Variants in AFF1 observed in about 807,000 individuals in gnomAD.
AFF1 encodes the protein AF4/FMR2 family member 1.
In AFF1, 48 loss-of-function variants were observed where a neutral mutation model predicts 121.7. That is an observed-to-expected ratio of 0.39 (90% CI 0.31 to 0.50). The LOEUF (loss-of-function observed/expected upper bound fraction) is 0.50, where lower values mean the gene tolerates loss of function less well. Ranked by LOEUF, AFF1 falls within the 20% of genes least tolerant of loss-of-function variation. The pLI is 0.76. For missense variants in AFF1, 1,523 were observed against 1,511.7 expected (o/e 1.01, Z -0.12); for synonymous variants, 613 against 563.0 (o/e 1.09, Z -1.26).
intron 4 of AFF1, among the ~76,000 whole-genome samples, chr4:87,063,963 T>G (rs17604937): frequency 0.13 from 19,922 of 152,280 alleles, 1,755 homozygotes; most frequent in Middle Eastern, 0.2. Context: ...TGTGATGAAG[T>G]AATGAAACTC....
At chr4:87,013,499 G>C (rs1016239915) in intron 2 of AFF1, among the ~76,000 whole-genome samples, 1 of 152,012 alleles carries the variant, frequency 6.6e-6, no homozygotes, top group African/African-American at 2.4e-5. Flanking sequence ...TCTTTATTTC[G>C]GTATGTTTTC....
intron 2 of AFF1, among the ~76,000 whole-genome samples, chr4:87,000,820 TTGAG>T (rs949046033): frequency 6.5e-4 from 99 of 152,076 alleles, no homozygotes; most frequent in African/African-American, 2.3e-3. Context: ...GAAAAAAACA[TTGAG>T]TGAAGAGGTA....
At chr4:86,943,530 G>A (rs745550596) in intron 1 of AFF1, among the ~76,000 whole-genome samples, 3 of 152,194 alleles carry the variant, frequency 2.0e-5, no homozygotes, top group African/African-American at 7.2e-5. Flanking sequence ...CTAGATTGTG[G>A]TCCGGGGACT....
intron 8 of AFF1, among the ~76,000 whole-genome samples, chr4:87,100,425 C>G (rs1016126866): frequency 2.0e-5 from 3 of 152,206 alleles, no homozygotes; most frequent in Admixed American, 2.0e-4. Context: ...GATGACTCTC[C>G]CCACAAGACT....
Position 87,073,280 on chromosome 4 carries a change from C to CAAAA in AFF1, c.1060-10809_1060-10806dup, listed in dbSNP as rs55821662. ...ATTGCTCATTACCCAGCATTAAAGC[C>CAAAA]AAAAAAAAAAAAAAAAAAAAAAAAA... On this transcript the variant is annotated intron_variant, in intron 4 of 20. Coordinates refer to ENST00000395146, the MANE Select transcript of AFF1 (RefSeq NM_001166693.3). Among the ~76,000 whole-genome samples, 91 of 83,678 alleles carry CAAAA rather than the reference C, an allele frequency of 1.1e-3. 2 individuals are homozygous for CAAAA. Among genetic ancestry groups the CAAAA allele is most frequent in the South Asian group, 2.7e-3 (5 of 1,852 alleles). 54.9% of individuals were successfully genotyped at this position (83,678 alleles called of 152,430 possible). A position where few individuals can be genotyped will look rare whatever the true frequency, so the allele number is the denominator to read the frequency against.
chr4:87,089,904 C>A, intron 5 of AFF1, 80 bp from the exon 6 acceptor site: 1 of 1,024,958 alleles, frequency 9.8e-7, no homozygotes, highest in Non-Finnish European at 1.5e-6. Flanking sequence ...ATCCATTCTA[C>A]ATTAAGTTCA....
At chr4:86,988,138 A>G (rs979720979) in intron 2 of AFF1, among the ~76,000 whole-genome samples, 1 of 152,138 alleles carries the variant, frequency 6.6e-6, no homozygotes, top group African/African-American at 2.4e-5. Flanking sequence ...CAGGGCAATT[A>G]GGATGTTCAT....
intron 15 of AFF1, 132 bp downstream of exon 15, chr4:87,127,249 C>CTCCCGGG: frequency 1.3e-6 from 1 of 756,750 alleles, no homozygotes; most frequent in Non-Finnish European, 2.2e-6. Flanking sequence ...CAACCTCCAC[C>CTCCCGGG]TCCCGGGTTC....
At chr4:87,119,607 C>G (rs1727477735) in intron 12 of AFF1, among the ~76,000 whole-genome samples, 1 of 152,130 alleles carries the variant, frequency 6.6e-6, no homozygotes, top group South Asian at 2.1e-4. Flanking sequence ...GTGCATAGAG[C>G]TACATGTGTG....
chr4:87,089,040 G>T (rs1016066099), intron 5 of AFF1, among the ~76,000 whole-genome samples: 3 of 152,174 alleles, frequency 2.0e-5, no homozygotes, highest in Non-Finnish European at 4.4e-5. Context: ...GCTGCGCCCG[G>T]CCGCATGTCG....
intron 16 of AFF1, among the ~76,000 whole-genome samples, chr4:87,130,069 T>A (rs540729775): frequency 6.6e-6 from 1 of 151,612 alleles, no homozygotes; most frequent in South Asian, 2.1e-4. Context: ...CTGCCTCCCA[T>A]ATTCAAGCGA....
chr4:87,074,774 A>G (rs1050288493), intron 4 of AFF1, among the ~76,000 whole-genome samples: 3 of 152,206 alleles, frequency 2.0e-5, no homozygotes, highest in African/African-American at 7.2e-5. Context: ...ATTGTATGTG[A>G]TCTCAGGATA....
At chr4:86,962,820 T>C (rs1292046439) in intron 2 of AFF1, among the ~76,000 whole-genome samples, 1 of 152,230 alleles carries the variant, frequency 6.6e-6, no homozygotes, top group African/African-American at 2.4e-5. Context: ...AATTCTCATT[T>C]CATATTTACT....
rs764321758 is a variant in AFF1 at position 87,114,724 on chromosome 4, G to A, written c.1891G>A (p.Glu631Lys). The A allele has an allele frequency of 3.1e-6, 5 of 1,613,902 alleles. No individual in the cohort carries two copies. In the Admixed American group the frequency reaches 8.3e-5, roughly 27 times the overall value. ...RAGSRTSLQG[E>K]REPGLLPYGS... is the part of the protein sequence containing the mutation. The stretch of plus-strand genomic sequence containing the variant: ...AGGTTCACGGACCAGCCTGCAGGGG[G>A]AAAGGGAGCCAGGGCTTCTTCCCTA... Residue 631 changes from glutamate to lysine, a missense_variant, in exon 12 of 21, where the codon GAA (glutamate) becomes AAA (lysine). By Grantham distance (56) the Glu-to-Lys change is moderately conservative. Around this residue, in one of 5 missense-constraint regions of AFF1, gnomAD observed 905 missense variants for 842.5 expected, o/e 1.07. Transcript: ENST00000395146.
intron 4 of AFF1, among the ~76,000 whole-genome samples, chr4:87,060,984 C>T (rs774008497): frequency 3.3e-5 from 5 of 151,996 alleles, no homozygotes; most frequent in East Asian, 1.9e-4. Context: ...AAACCGGTAC[C>T]GAGGTCTTTT....
chr4:87,135,565 TTG>T lies in AFF1; in HGVS notation c.3536-13_3536-12del, dbSNP rs757069917. ...TGTATTTACTTGTTTTTGTTTTGTT[TTG>T]TTTTTTTTGCAGAATTCTTTGCTCG... On this transcript the variant is annotated splice_polypyrimidine_tract_variant and intron_variant, in intron 20 of 20. Transcript: ENST00000395146. 5.9e-5 allele frequency: 88 copies of T among 1,481,702 alleles called. No individual in the cohort carries two copies. The highest frequency in any genetic ancestry group is 3.5e-4 in the Middle Eastern group (2 of 5,670). 91.8% of individuals were successfully genotyped at this position (1,481,702 alleles called of 1,614,324 possible).
intron 2 of AFF1, among the ~76,000 whole-genome samples, chr4:87,013,175 G>A (rs928459788): frequency 2.0e-5 from 3 of 151,654 alleles, no homozygotes; most frequent in Admixed American, 2.0e-4. Context: ...GGAGTAGCTG[G>A]GAATACAGGC....
At chr4:87,047,934 A>T (rs1228987243) in intron 4 of AFF1, 1 of 285,784 alleles carries the variant, frequency 3.5e-6, no homozygotes, top group Admixed American at 4.7e-5. Flanking sequence ...GAGAGAGAAG[A>T]TTTCGGTTAC....
At chr4:87,018,088 T>C (rs546056104) in intron 2 of AFF1, among the ~76,000 whole-genome samples, 1 of 152,352 alleles carries the variant, frequency 6.6e-6, no homozygotes, top group African/African-American at 2.4e-5. Context: ...TTTACCTGCG[T>C]AAGAATTATA....
Sources: gnomAD v4.1 joint callset for allele counts (sites outside exome capture counted in the v4.1 genomes callset) on GRCh38, gnomAD v4.1.1 for gene constraint, gnomAD v4.1.1 regional missense constraint, MANE v1.5 for transcripts, NCBI Gene and HGNC (gene_info 2026-07-23, HGNC 2026-07-21) for gene names.